The following C11orf65 variants were observed in gnomAD, a reference collection of about 807,000 sequenced individuals.
C11orf65 encodes the protein protein MFI.
In C11orf65, 38 loss-of-function variants were observed where a neutral mutation model predicts 35.3. That is an observed-to-expected ratio of 1.08 (90% CI 0.83 to 1.41). The LOEUF is 1.41. Ranked by LOEUF, C11orf65 falls within the 40% of genes most tolerant of loss-of-function variation. C11orf65 has a pLI of 0.00. For synonymous variants in C11orf65, 105 were observed against 114.4 expected (o/e 0.92, Z 0.53); for missense variants, 370 against 367.1 (o/e 1.01, Z -0.06).
Position 108,363,792 on chromosome 11 carries a change from G to A in C11orf65, c.227-28500C>T, listed in dbSNP as rs552761748. Among the ~76,000 whole-genome samples, 6 of 152,194 alleles carry A rather than the reference G, an allele frequency of 3.9e-5. No individual in the cohort carries two copies. The South Asian group carries it at 1.2e-3, about 32-fold the overall frequency. On this transcript the variant is annotated intron_variant, in intron 2 of 3. Coordinates refer to the C11orf65 transcript ENST00000524755. The stretch of plus-strand genomic sequence containing the variant: ...CAGTTCCTCCTTAATTCTAATATTT[G>A]CAAGTATGATTCCTGACACAAGCCC...
chr11:108,424,028 G>T (rs1360805386), intron 3 of C11orf65, among the ~76,000 whole-genome samples: 1 of 152,162 alleles, frequency 6.6e-6, no homozygotes, highest in East Asian at 1.9e-4. Context: ...CTCCTTGCCA[G>T]CAAGGGAACT....
At position 108,370,211 on chromosome 11, in the gene C11orf65, A is replaced by AT. The variant is rs550020772; in HGVS notation, c.226+22996dup. ...TTTTTTAAATGTTCTTATAAAGGAC[A>AT]TTTTTTTCATAAGTTTTTCCTAATT... On this transcript the variant is annotated intron_variant, in intron 2 of 3. Transcript: ENST00000524755. Among the ~76,000 whole-genome samples the AT allele has an allele frequency of 2.2e-3, 334 of 151,984 alleles. 3 individuals are homozygous for AT. The highest frequency in any genetic ancestry group is 7.7e-3 in the African/African-American group (319 of 41,466).
At chr11:108,377,287 C>A (rs1398894117) in intron 2 of C11orf65, among the ~76,000 whole-genome samples, 1 of 152,188 alleles carries the variant, frequency 6.6e-6, no homozygotes, top group African/African-American at 2.4e-5. Flanking sequence ...CCACCATGAT[C>A]AAGTGGGCTT....
At position 108,365,076 on chromosome 11, in the gene C11orf65, G is replaced by A. The variant is rs777096209; in HGVS notation, c.226+28132C>T. ...TTCTTTTAATACATATGTTCTCTCT[G>A]TTTAGGTCCTTCTATATGATCCACT... On this transcript the variant is annotated intron_variant, in intron 2 of 3. Transcript: ENST00000524755. 1 of 1,613,814 alleles carries A rather than the reference G, an allele frequency of 6.2e-7. No individual in the cohort carries two copies. The highest frequency in any genetic ancestry group is 8.5e-7 in the Non-Finnish European group (1 of 1,179,776).
At chr11:108,457,128 T>G (rs1381722100) in intron 2 of C11orf65, among the ~76,000 whole-genome samples, 6 of 151,838 alleles carry the variant, frequency 4.0e-5, no homozygotes, top group Admixed American at 3.9e-4. Flanking sequence ...AACTAAGACT[T>G]AAATATTCTT....
At position 108,336,676 on chromosome 11, in the gene C11orf65, G is replaced by T. The variant is rs1359510372; in HGVS notation, c.227-1384C>A. On this transcript the variant is annotated intron_variant, in intron 2 of 3. Coordinates refer to the C11orf65 transcript ENST00000524755. Reference sequence around the variant, plus strand: ...CATGCGCAGGCAAATTTGTAGCATGGATTTCCAAAAGTTGGATTGCTGGGT... The same window carrying T: ...CATGCGCAGGCAAATTTGTAGCATGTATTTCCAAAAGTTGGATTGCTGGGT... Among the ~76,000 whole-genome samples the T allele has an allele frequency of 2.0e-5, 3 of 152,276 alleles. No homozygotes were observed. In the East Asian group the frequency reaches 5.8e-4, roughly 29 times the overall value.
intron 6 of C11orf65, among the ~76,000 whole-genome samples, chr11:108,318,668 G>T (rs2084957470): frequency 6.6e-6 from 1 of 151,636 alleles, no homozygotes; most frequent in Non-Finnish European, 1.5e-5. Flanking sequence ...CAGCCTGGGC[G>T]ACAGAGTGAG....
At chr11:108,370,815 C>T (rs1397067546) in intron 2 of C11orf65, among the ~76,000 whole-genome samples, 1 of 152,090 alleles carries the variant, frequency 6.6e-6, no homozygotes, top group African/African-American at 2.4e-5. Flanking sequence ...TCATCTTATA[C>T]TCCTAGTATA....
rs753241909 is a variant in C11orf65 at position 108,320,899 on chromosome 11, A to G, written c.641-11828T>C. ...TATTTTGTATAAGTATTATAATACC[A>G]TATTCTTACAATAAAGTAAGCTAGA... On this transcript the variant is annotated intron_variant, in intron 6 of 6. Transcript: ENST00000525729. Among the ~76,000 whole-genome samples the G allele has an allele frequency of 1.1e-4, 16 of 152,368 alleles. No individual in the cohort carries two copies. The Middle Eastern group carries it at 0.01, about 97-fold the overall frequency.
chr11:108,445,059 G>A (rs963265398), intron 2 of C11orf65, among the ~76,000 whole-genome samples: 2 of 152,178 alleles, frequency 1.3e-5, no homozygotes, highest in Non-Finnish European at 2.9e-5. Flanking sequence ...GCTGGAGGAG[G>A]GGTGCCTGCC....
intron 2 of C11orf65, among the ~76,000 whole-genome samples, chr11:108,438,443 C>T (rs1010076777): frequency 4.6e-5 from 7 of 151,664 alleles, no homozygotes; most frequent in African/African-American, 1.7e-4. Context: ...CCCAGCTACT[C>T]GGTAGGCTGA....
chr11:108,335,143 GTTTTAGT>G, intron 3 of C11orf65: 2 of 1,613,438 alleles, frequency 1.2e-6, no homozygotes, highest in Non-Finnish European at 1.7e-6. Context: ...AGCCCTTAGA[GTTTTAGT>G]GATGAAAATT....
At chr11:108,354,893 A>T (rs1258433978) in intron 2 of C11orf65, 1 of 1,600,536 alleles carries the variant, frequency 6.2e-7, no homozygotes, top group Admixed American at 1.7e-5. Context: ...TTTTATAAGG[A>T]AGACTTTATT....
chr11:108,430,671 C>G (rs2092974231), intron 3 of C11orf65, among the ~76,000 whole-genome samples: 1 of 151,738 alleles, frequency 6.6e-6, no homozygotes, highest in African/African-American at 2.4e-5. Context: ...TGGCAAAACC[C>G]TGTCTCTACT....
intron 3 of C11orf65, among the ~76,000 whole-genome samples, chr11:108,421,254 A>T (rs1247685223): frequency 4.6e-5 from 7 of 152,102 alleles, no homozygotes; most frequent in Non-Finnish European, 8.8e-5. Context: ...TGCAGGTTGT[A>T]TATGATTTTA....
intron 3 of C11orf65, among the ~76,000 whole-genome samples, chr11:108,428,365 T>A (rs2092937878): frequency 6.6e-6 from 1 of 152,210 alleles, no homozygotes; most frequent in African/African-American, 2.4e-5. Context: ...TGCACACGTA[T>A]GTTTATTGGA....
chr11:108,386,784 G>A (rs1169943890), intron 7 of C11orf65, among the ~76,000 whole-genome samples: 1 of 152,126 alleles, frequency 6.6e-6, no homozygotes, highest in Non-Finnish European at 1.5e-5. Flanking sequence ...TGGAGAATTA[G>A]AACTGTCACG....
chr11:108,409,975 T>C (rs1243191286), intron 3 of C11orf65, among the ~76,000 whole-genome samples: 4 of 152,328 alleles, frequency 2.6e-5, no homozygotes, highest in South Asian at 2.1e-4. Context: ...CTCTACAGTA[T>C]AGACTAAGTT....
chr11:108,366,674 T>C (rs2091348051), intron 2 of C11orf65: 2 of 231,460 alleles, frequency 8.6e-6, no homozygotes, highest in East Asian at 1.2e-4. Flanking sequence ...TTTCCATACC[T>C]GAAGTGTAGC....
Sources: gnomAD v4.1 joint callset for allele counts (sites outside exome capture counted in the v4.1 genomes callset) on GRCh38, gnomAD v4.1.1 for gene constraint, MANE v1.5 for transcripts, NCBI Gene and HGNC (gene_info 2026-07-23, HGNC 2026-07-21) for gene names.